The following SGIP1 variants were observed in gnomAD, a reference collection of about 807,000 sequenced individuals.
SGIP1 encodes the protein SH3GL interacting endocytic adaptor 1.
A neutral mutation model predicts 107.5 loss-of-function variants in SGIP1; 38 were observed. The ratio of observed to expected loss-of-function variants is 0.35; its 90% CI spans 0.27 to 0.46. SGIP1 has a LOEUF of 0.46. Ranked by LOEUF, SGIP1 falls within the 20% of genes least tolerant of loss-of-function variation. The pLI is 1.00. For missense variants in SGIP1, 929 were observed against 1,019.5 expected, an observed-to-expected ratio of 0.91 and a Z score of 1.21; for synonymous variants, 365 against 366.1, an observed-to-expected ratio of 1.00 and a Z score of 0.03.
rs377744974 is a variant in SGIP1, at chr1:66,668,368, T to G, written c.483+827T>G. Reference sequence around the variant, plus strand: ...ACCATGCCCAGCTAATTTTTGTATTTTTAGTAGAGACAGGGTTTCGCCATG... The same window carrying G: ...ACCATGCCCAGCTAATTTTTGTATTGTTAGTAGAGACAGGGTTTCGCCATG... On this transcript the variant is annotated intron_variant, in intron 9 of 24. Coordinates refer to ENST00000371037, the MANE Select transcript of SGIP1 (RefSeq NM_032291.4). Among the ~76,000 whole-genome samples, 36 of 152,180 alleles carry G rather than the reference T, an allele frequency of 2.4e-4. No homozygotes were observed. In the South Asian group the frequency reaches 6.4e-3, roughly 27 times the overall value.
At chr1:66,646,922 A>G (rs529280950) in intron 7 of SGIP1, among the ~76,000 whole-genome samples, 3 of 152,194 alleles carry the variant, frequency 2.0e-5, no homozygotes, top group African/African-American at 7.2e-5. Context: ...TCACAGGTAA[A>G]GGATAATAAT....
intron 2 of SGIP1, chr1:66,628,485 A>G (rs1408067630): frequency 6.5e-6 from 1 of 154,850 alleles, no homozygotes; most frequent in Non-Finnish European, 1.5e-5. Context: ...GGAAGGCATT[A>G]TAGGACTCAT....
intron 11 of SGIP1, 44 bp downstream of exon 11, chr1:66,672,039 G>T (rs1157686128): frequency 6.3e-7 from 1 of 1,588,700 alleles, no homozygotes; most frequent in Admixed American, 1.7e-5. Context: ...AAGGCATCAT[G>T]AACTTTTAAC....
rs1478410329 is a variant in SGIP1 at position 66,675,546 on chromosome 1, T to C, written c.647-1458T>C. ...TTTTCTTTTTCTTTTTCTTTCTTTTTTTTTTTTTTTTTTGACAGAATCTCA... is the reference window on the plus strand; with the variant it reads ...TTTTCTTTTTCTTTTTCTTTCTTTTCTTTTTTTTTTTTTGACAGAATCTCA... On this transcript the variant is annotated intron_variant, in intron 12 of 24. Coordinates refer to ENST00000371037, the MANE Select transcript of SGIP1 (RefSeq NM_032291.4). Among the ~76,000 whole-genome samples the C allele has an allele frequency of 2.2e-5, 3 of 133,654 alleles. 1 individual carries two copies. The highest frequency in any genetic ancestry group is 1.5e-4 in the Admixed American group (2 of 13,460). The allele number at this position is 133,654 out of a possible 152,430, so 87.7% of individuals were successfully genotyped here.
At chr1:66,695,981 A>G (rs1261323703) in intron 18 of SGIP1, among the ~76,000 whole-genome samples, 1 of 152,252 alleles carries the variant, frequency 6.6e-6, no homozygotes, top group African/African-American at 2.4e-5. Context: ...AATGCTGTAT[A>G]AGAGATCAGA....
chr1:66,742,973 G>T, intron 24 of SGIP1, 100 bp from the exon 25 acceptor site: 1 of 1,180,482 alleles, frequency 8.5e-7, no homozygotes. Flanking sequence ...GCAGTATCTG[G>T]CTCCTAGGGG....
intron 1 of SGIP1, among the ~76,000 whole-genome samples, chr1:66,552,152 G>T (rs964331418): frequency 6.6e-6 from 1 of 152,118 alleles, no homozygotes; most frequent in Non-Finnish European, 1.5e-5. Context: ...ATCATGATGG[G>T]CTTGTTAAGA....
intron 1 of SGIP1, among the ~76,000 whole-genome samples, chr1:66,606,444 G>A (rs540567673): frequency 1.2e-4 from 19 of 152,164 alleles, no homozygotes; most frequent in Admixed American, 5.9e-4. Context: ...ATTCAGCTTT[G>A]AAAGCTGCAG....
At chr1:66,740,189 A>G (rs749329242) in intron 22 of SGIP1, among the ~76,000 whole-genome samples, 1 of 152,224 alleles carries the variant, frequency 6.6e-6, no homozygotes, top group Non-Finnish European at 1.5e-5. Flanking sequence ...AAGGTATGGG[A>G]CTAGAAACTG....
At chr1:66,674,186 T>G (rs1481704276) in intron 12 of SGIP1, among the ~76,000 whole-genome samples, 1 of 151,998 alleles carries the variant, frequency 6.6e-6, no homozygotes, top group Non-Finnish European at 1.5e-5. Context: ...TAAAATAAAA[T>G]AAAATGCTAC....
intron 1 of SGIP1, among the ~76,000 whole-genome samples, chr1:66,588,192 C>A (rs1557985259): frequency 6.6e-6 from 1 of 152,086 alleles, no homozygotes; most frequent in South Asian, 2.1e-4. Flanking sequence ...CGGGAGATTG[C>A]CGGATCATCT....
chr1:66,603,004 CT>C (rs1251446441), intron 1 of SGIP1, among the ~76,000 whole-genome samples: 1 of 152,102 alleles, frequency 6.6e-6, no homozygotes, highest in African/African-American at 2.4e-5. Flanking sequence ...TGTTTTTGTT[CT>C]TGTTTTCTCT....
At chr1:66,602,639 A>G in intron 1 of SGIP1, among the ~76,000 whole-genome samples, 1 of 145,430 alleles carries the variant, frequency 6.9e-6, no homozygotes, top group East Asian at 2.4e-4. Context: ...TTAAAGTATA[A>G]TAATAAATAA....
chr1:66,554,212 C>T (rs1259265001), intron 1 of SGIP1, among the ~76,000 whole-genome samples: 1 of 152,108 alleles, frequency 6.6e-6, no homozygotes, highest in Non-Finnish European at 1.5e-5. Context: ...ACAAGATGCT[C>T]CACAAAGTCT....
intron 1 of SGIP1, among the ~76,000 whole-genome samples, chr1:66,620,910 G>A (rs939682305): frequency 6.6e-6 from 1 of 152,124 alleles, no homozygotes; most frequent in African/African-American, 2.4e-5. Flanking sequence ...TTTGAAAAGG[G>A]GATTGAGAAA....
At chr1:66,544,991 T>A (rs2056017053) in intron 1 of SGIP1, among the ~76,000 whole-genome samples, 1 of 152,178 alleles carries the variant, frequency 6.6e-6, no homozygotes, top group Admixed American at 6.5e-5. Flanking sequence ...TCCTCCTTCC[T>A]TCCTGTCCTA....
intron 1 of SGIP1, among the ~76,000 whole-genome samples, chr1:66,592,268 T>C (rs1163433458): frequency 1.3e-5 from 2 of 152,174 alleles, no homozygotes; most frequent in Admixed American, 6.5e-5. Context: ...CCGCAGTGTA[T>C]TGTGTCCCTG....
intron 7 of SGIP1, among the ~76,000 whole-genome samples, chr1:66,648,163 G>A (rs536501073): frequency 1.3e-5 from 2 of 152,300 alleles, no homozygotes; most frequent in East Asian, 1.9e-4. Flanking sequence ...GTGCTCTGAT[G>A]TGGGCCACAC....
intron 1 of SGIP1, among the ~76,000 whole-genome samples, chr1:66,605,506 A>G (rs2066645672): frequency 6.6e-6 from 1 of 152,010 alleles, no homozygotes; most frequent in South Asian, 2.1e-4. Flanking sequence ...TACTTGAATT[A>G]AGGGGATTGA....
Sources: allele counts gnomAD v4.1 joint callset (sites outside exome capture counted in the v4.1 genomes callset), GRCh38; gene constraint gnomAD v4.1.1; transcripts MANE v1.5; gene names NCBI Gene and HGNC (gene_info 2026-07-23, HGNC 2026-07-21).